The following DIAPH3 variants were observed in gnomAD, a reference collection of about 807,000 sequenced individuals.
DIAPH3 encodes diaphanous related formin 3.
A neutral mutation model predicts 144.3 loss-of-function variants in DIAPH3; 117 were observed. The ratio of observed to expected loss-of-function variants is 0.81; its 90% CI spans 0.70 to 0.95. DIAPH3 has a LOEUF of 0.95. Among genes scored for constraint, DIAPH3 ranks in the 40% least tolerant of loss-of-function variants. DIAPH3 has a pLI of 0.00. For missense variants in DIAPH3, 1,421 were observed against 1,412.7 expected, an observed-to-expected ratio of 1.01 and a Z score of -0.09; for synonymous variants, 519 against 488.9, an observed-to-expected ratio of 1.06 and a Z score of -0.81.
At chr13:59,855,558 T>G (rs2043208799) in intron 22 of DIAPH3, among the ~76,000 whole-genome samples, 1 of 151,912 alleles carries the variant, frequency 6.6e-6, no homozygotes. Context: ...CCTAAGTAAA[T>G]TCCTAAGTAT....
At chr13:59,983,939 C>T (rs779810409) in intron 12 of DIAPH3, 52 bp from the exon 13 acceptor site, 3 of 1,229,556 alleles carry the variant, frequency 2.4e-6, no homozygotes, top group African/African-American at 1.5e-5. Flanking sequence ...TGTAACTTTA[C>T]ATCAAAACAA....
chr13:59,788,719 C>G (rs1765547008), intron 25 of DIAPH3, among the ~76,000 whole-genome samples: 1 of 151,948 alleles, frequency 6.6e-6, no homozygotes, highest in Admixed American at 6.6e-5. Context: ...TGATATGGAC[C>G]ATCTCCAAAA....
chr13:59,919,393 A>T (rs1237555246), intron 18 of DIAPH3, among the ~76,000 whole-genome samples: 1 of 152,100 alleles, frequency 6.6e-6, no homozygotes, highest in East Asian at 1.9e-4. Flanking sequence ...AAAGACAAAG[A>T]GGGGATCCAG....
At chr13:59,772,630 A>G (rs1266809414) in intron 27 of DIAPH3, among the ~76,000 whole-genome samples, 1 of 152,146 alleles carries the variant, frequency 6.6e-6, no homozygotes, top group Non-Finnish European at 1.5e-5. Context: ...TATAGTCACA[A>G]GGCTGAGTTC....
At chr13:59,932,946 AG>A (rs1387829095) in intron 17 of DIAPH3, among the ~76,000 whole-genome samples, 4 of 152,204 alleles carry the variant, frequency 2.6e-5, no homozygotes, top group Non-Finnish European at 4.4e-5. Flanking sequence ...AGATAACAAA[AG>A]TTTTGTTTGT....
chr13:60,122,845 GA>G (rs1392971796), intron 2 of DIAPH3, among the ~76,000 whole-genome samples: 1 of 151,356 alleles, frequency 6.6e-6, no homozygotes, highest in African/African-American at 2.4e-5. Context: ...ACATATCATT[GA>G]AAAAAAATTT....
At chr13:59,737,811 A>T (rs1241842025) in intron 27 of DIAPH3, among the ~76,000 whole-genome samples, 1 of 152,184 alleles carries the variant, frequency 6.6e-6, no homozygotes, top group Non-Finnish European at 1.5e-5. Flanking sequence ...TCTTATCTTC[A>T]AATACATTCT....
chr13:60,119,542 T>A (rs1157797190), intron 2 of DIAPH3, among the ~76,000 whole-genome samples: 2 of 151,198 alleles, frequency 1.3e-5, no homozygotes, highest in Non-Finnish European at 2.9e-5. Context: ...GGTCAGGAGA[T>A]CGAGACCATC....
At chr13:60,046,375 C>T (rs550112955) in intron 4 of DIAPH3, among the ~76,000 whole-genome samples, 7 of 152,216 alleles carry the variant, frequency 4.6e-5, no homozygotes, top group African/African-American at 1.7e-4. Context: ...TTAAAAAAAG[C>T]TCATCATCAC....
chr13:59,958,688 T>C (rs1229931783), intron 17 of DIAPH3, among the ~76,000 whole-genome samples: 3 of 151,904 alleles, frequency 2.0e-5, no homozygotes, highest in Non-Finnish European at 4.4e-5. Flanking sequence ...TAATACACTA[T>C]GATACTTGAT....
chr13:60,001,827 C>G (rs2052544118), intron 9 of DIAPH3, among the ~76,000 whole-genome samples: 1 of 152,190 alleles, frequency 6.6e-6, no homozygotes, highest in Admixed American at 6.5e-5. Context: ...TGCTTAGTTA[C>G]TCTGGGGAGC....
chr13:60,018,207 C>A (rs1413092453), intron 5 of DIAPH3, among the ~76,000 whole-genome samples: 1 of 152,066 alleles, frequency 6.6e-6, no homozygotes, highest in Admixed American at 6.6e-5. Context: ...TATTCTAAAG[C>A]CAATATAAAT....
intron 9 of DIAPH3, among the ~76,000 whole-genome samples, chr13:59,996,922 A>T (rs1004472822): frequency 2.6e-5 from 4 of 152,090 alleles, no homozygotes; most frequent in Non-Finnish European, 5.9e-5. Context: ...AATATATAGT[A>T]CCTAAATTTC....
At chr13:60,159,635 A>AAAAAG (rs1176403599) in intron 1 of DIAPH3, among the ~76,000 whole-genome samples, 1 of 151,898 alleles carries the variant, frequency 6.6e-6, no homozygotes, top group Non-Finnish European at 1.5e-5. Context: ...CAAAAAAAAA[A>AAAAAG]AAAGAAAGAA....
chr13:59,892,513 G>A (rs1308915700), intron 20 of DIAPH3, among the ~76,000 whole-genome samples: 5 of 151,964 alleles, frequency 3.3e-5, no homozygotes, highest in African/African-American at 1.2e-4. Context: ...ATAAAATGAT[G>A]TGAATAACAC....
chr13:60,115,677 CT>C (rs533462271), intron 2 of DIAPH3, among the ~76,000 whole-genome samples: 2 of 151,948 alleles, frequency 1.3e-5, no homozygotes, highest in African/African-American at 2.4e-5. Flanking sequence ...TTAATTTTAA[CT>C]TTTTTTATAA....
chr13:59,900,308 C>T (rs1300821051), intron 20 of DIAPH3, among the ~76,000 whole-genome samples: 1 of 152,126 alleles, frequency 6.6e-6, no homozygotes, highest in Non-Finnish European at 1.5e-5. Context: ...CCATTTTCTT[C>T]CATATGAGAG....
At chr13:60,055,063 C>T (rs1283315612) in intron 4 of DIAPH3, among the ~76,000 whole-genome samples, 1 of 151,842 alleles carries the variant, frequency 6.6e-6, no homozygotes, top group Non-Finnish European at 1.5e-5. Context: ...AGTATCATTA[C>T]GTGCCAAAAA....
At chr13:60,159,511 G>A (rs1300687690) in intron 1 of DIAPH3, among the ~76,000 whole-genome samples, 1 of 151,862 alleles carries the variant, frequency 6.6e-6, no homozygotes, top group African/African-American at 2.4e-5. Flanking sequence ...TGTAATCCCA[G>A]TTACTAGAAG....
Sources: gnomAD v4.1 joint callset for allele counts (sites outside exome capture counted in the v4.1 genomes callset) on GRCh38, gnomAD v4.1.1 for gene constraint, MANE v1.5 for transcripts, NCBI Gene and HGNC (gene_info 2026-07-23, HGNC 2026-07-21) for gene names.